The following PROK2 variants were observed in gnomAD, a reference collection of about 807,000 sequenced individuals.
The protein encoded by PROK2 is prokineticin 2.
PROK2 carries 8 observed loss-of-function variants against 14.2 expected under a neutral mutation model. The ratio of observed to expected loss-of-function variants is 0.56; its 90% CI spans 0.33 to 1.02. The LOEUF (loss-of-function observed/expected upper bound fraction) is 1.02. Among genes scored for constraint, PROK2 ranks in the 50% least tolerant of loss-of-function variants. PROK2 has a pLI of 0.03. For synonymous variants in PROK2, 59 were observed against 60.7 expected (o/e 0.97, Z 0.13); for missense variants, 154 against 160.4 (o/e 0.96, Z 0.22).
chr3:71,776,403 TG>T (rs2108192189), intron 2 of PROK2, among the ~76,000 whole-genome samples: 1 of 135,652 alleles, frequency 7.4e-6, no homozygotes, highest in South Asian at 2.5e-4. Flanking sequence ...GACAGAGTCT[TG>T]CTCTGTTGTT....
rs535727908 is a variant in PROK2 at position 71,782,811 on chromosome 3, T to C, written c.97-1219A>G. 4.6e-5 allele frequency among the ~76,000 whole-genome samples: 7 copies of C among 152,338 alleles called. No individual in the cohort carries two copies. The South Asian group carries it at 1.2e-3, about 27-fold the overall frequency. On this transcript the variant is annotated intron_variant, in intron 1 of 3. Transcript: ENST00000295619. ...TTAAAAGTAACCAACTATTTTGCTT[T>C]AAAGTTCATTTACTTCCCTCATTAG...
At chr3:71,784,884 G>T in intron 1 of PROK2, 73 bp downstream of exon 1, 1 of 1,172,064 alleles carries the variant, frequency 8.5e-7, no homozygotes. Context: ...GCCCTTCAGG[G>T]TCCCCGTCCC....
chr3:71,779,025 T>G (rs2108194767), intron 2 of PROK2, among the ~76,000 whole-genome samples: 1 of 152,354 alleles, frequency 6.6e-6, no homozygotes, highest in East Asian at 1.9e-4. Flanking sequence ...TTTGTTTACT[T>G]TCAAAATTAA....
At chr3:71,773,062 C>A (rs2050092785) in intron 3 of PROK2, among the ~76,000 whole-genome samples, 1 of 152,182 alleles carries the variant, frequency 6.6e-6, no homozygotes, top group Non-Finnish European at 1.5e-5. Flanking sequence ...TCACTGCAAC[C>A]TCCACCTCCC....
chr3:71,772,811 C>A lies in PROK2; in HGVS notation c.303G>T (p.Arg101=). 1 of 1,614,102 alleles carries A rather than the reference C, an allele frequency of 6.2e-7. No homozygotes were observed. Among genetic ancestry groups the A allele is most frequent in the Non-Finnish European group, 8.5e-7 (1 of 1,180,002 alleles). Residue 101 remains arginine, a synonymous_variant, in exon 4 of 4, where the codon CGG becomes CGT. Coordinates refer to ENST00000295619, the MANE Select transcript of PROK2 (RefSeq NM_001126128.2). ...GACATGGGCAAGTGTGATGCATCCT[C>A]CGCCCAAAAAATGGAACCTAAATAA... The part of the protein sequence containing the change: ...KRKKEVPFFG[R]RMHHTCPCLP...
chr3:71,776,769 A>G (rs1361058764), intron 2 of PROK2, among the ~76,000 whole-genome samples: 1 of 152,210 alleles, frequency 6.6e-6, no homozygotes, highest in Non-Finnish European at 1.5e-5. Context: ...ATACTGTGTG[A>G]CAAAGCTAAC....
At chr3:71,784,214 G>A (rs1327810903) in intron 1 of PROK2, among the ~76,000 whole-genome samples, 2 of 152,200 alleles carry the variant, frequency 1.3e-5, no homozygotes, top group Non-Finnish European at 2.9e-5. Context: ...TTGAGAGTGG[G>A]AGAGAACTGA....
In PROK2 at chr3:71,772,277, A is replaced by G. The variant is rs1350092552; in HGVS notation, c.*447T>C. ...AAATGGACAAAAATAAAGTAAGGTA[A>G]GAGCCTTGAAATTCTTTGAGGTGGA... On this transcript the variant is annotated 3_prime_UTR_variant, in exon 4 of 4. Transcript: ENST00000295619. 1.2e-5 allele frequency: 2 copies of G among 168,332 alleles called. No homozygotes were observed. The highest frequency in any genetic ancestry group is 2.4e-5 in the African/African-American group (1 of 41,524). The allele number at this position is 168,332 out of a possible 1,614,324, so 10.4% of individuals were successfully genotyped here. A position where few individuals can be genotyped will look rare whatever the true frequency, so the allele number is the denominator to read the frequency against.
At chr3:71,778,546 C>T (rs1181456043) in intron 2 of PROK2, among the ~76,000 whole-genome samples, 1 of 151,534 alleles carries the variant, frequency 6.6e-6, no homozygotes, top group African/African-American at 2.4e-5. Flanking sequence ...AACGGATTTT[C>T]GGTGGCTAAT....
intron 2 of PROK2, among the ~76,000 whole-genome samples, chr3:71,777,949 A>G (rs1046629237): frequency 1.3e-5 from 2 of 151,962 alleles, no homozygotes; most frequent in Non-Finnish European, 2.9e-5. Context: ...TAATCCCAAC[A>G]CTTTGGGAGG....
At chr3:71,779,845 AGC>A (rs1484940905) in intron 2 of PROK2, among the ~76,000 whole-genome samples, 4 of 152,206 alleles carry the variant, frequency 2.6e-5, no homozygotes, top group Non-Finnish European at 5.9e-5. Context: ...CCTGGGCTCA[AGC>A]AAACTGCCTG....
intron 2 of PROK2, among the ~76,000 whole-genome samples, chr3:71,780,338 C>T (rs138976768): frequency 3.3e-5 from 5 of 152,278 alleles, no homozygotes; most frequent in African/African-American, 7.2e-5. Context: ...CTGTTCACTC[C>T]GAGGAGGTGA....
intron 2 of PROK2, among the ~76,000 whole-genome samples, chr3:71,779,293 A>C (rs940519120): frequency 2.0e-5 from 3 of 152,260 alleles, no homozygotes; most frequent in Non-Finnish European, 4.4e-5. Flanking sequence ...TGTAATGATT[A>C]AGACCACATA....
rs2050086393 is a variant in PROK2 at position 71,772,396 on chromosome 3, CA to C, written c.*327del. ...GAAAAAAAAAAAAAAGTTTTTCTAACAAAATATCAAATTCTTATTTTCCTCA... is the reference window on the plus strand; with the variant it reads ...GAAAAAAAAAAAAAAGTTTTTCTAACAAATATCAAATTCTTATTTTCCTCA... On this transcript the variant is annotated 3_prime_UTR_variant, in exon 4 of 4. Coordinates refer to ENST00000295619, the MANE Select transcript of PROK2 (RefSeq NM_001126128.2). The C allele has an allele frequency of 4.0e-6, 1 of 250,942 alleles. No homozygotes were observed. The highest frequency in any genetic ancestry group is 2.3e-5 in the African/African-American group (1 of 43,038). The allele number at this position is 250,942 out of a possible 1,614,324, so 15.5% of individuals were successfully genotyped here.
Position 71,784,960 on chromosome 3 carries a change from G to T in PROK2, c.93C>A (p.Thr31=), listed in dbSNP as rs2050200897. ...CAGGTGCGCCCGGGCCGCTTACCCC[G>T]GTGATCACGGCGGCGTCCCCAGCGC... ...TPRAGDAAVI[T]GACDKDSQCG... is the part of the protein sequence containing the mutation. Residue 31 remains threonine (T), a synonymous_variant, in exon 1 of 4, where the codon ACC becomes ACA. Transcript: ENST00000295619. The T allele has an allele frequency of 8.8e-6, 11 of 1,247,132 alleles. No individual in the cohort carries two copies. The South Asian group carries it at 3.6e-4, about 41-fold the overall frequency. 77.3% of individuals were successfully genotyped at this position (1,247,132 alleles called of 1,614,324 possible).
At chr3:71,775,491 G>T (rs2050111086) in intron 2 of PROK2, among the ~76,000 whole-genome samples, 1 of 152,168 alleles carries the variant, frequency 6.6e-6, no homozygotes, top group South Asian at 2.1e-4. Context: ...TGTCACATGG[G>T]GTGGGCAGTA....
intron 2 of PROK2, among the ~76,000 whole-genome samples, chr3:71,780,909 G>C (rs1356598506): frequency 5.9e-5 from 9 of 152,174 alleles, no homozygotes. Flanking sequence ...GTGATATTGA[G>C]CTGACAGATA....
Position 71,772,559 on chromosome 3 carries a change from TAAAAA to T in PROK2, c.*160_*164del. The T allele has an allele frequency of 3.3e-6, 2 of 601,416 alleles. No individual in the cohort carries two copies. Among genetic ancestry groups the T allele is most frequent in the Non-Finnish European group, 5.8e-6 (2 of 347,732 alleles). 37.3% of individuals were successfully genotyped at this position (601,416 alleles called of 1,614,324 possible). A position where few individuals can be genotyped will look rare whatever the true frequency, so the allele number is the denominator to read the frequency against. On this transcript the variant is annotated 3_prime_UTR_variant, in exon 4 of 4. Coordinates refer to ENST00000295619, the MANE Select transcript of PROK2 (RefSeq NM_001126128.2). ...ATCCAAAAGTAAAATTCTCTTTCGA[TAAAAA>T]AAAAAAAAAATCATTTACAAATCAA...
At chr3:71,775,531 A>G (rs765304053) in intron 2 of PROK2, among the ~76,000 whole-genome samples, 1 of 152,190 alleles carries the variant, frequency 6.6e-6, no homozygotes, top group African/African-American at 2.4e-5. Context: ...GAAAAATCAC[A>G]TGGATTGTGC....
Sources: gnomAD v4.1 joint callset for allele counts (sites outside exome capture counted in the v4.1 genomes callset) on GRCh38, gnomAD v4.1.1 for gene constraint, MANE v1.5 for transcripts, NCBI Gene and HGNC (gene_info 2026-07-23, HGNC 2026-07-21) for gene names.